The following TEX22 variants were observed in gnomAD, a reference collection of about 807,000 sequenced individuals.
TEX22 encodes testis expressed 22.
A neutral mutation model predicts 11.3 loss-of-function variants in TEX22; 16 were observed. That is an observed-to-expected ratio of 1.42 (90% CI 0.96 to 2.15). The LOEUF (loss-of-function observed/expected upper bound fraction) is 2.15. Among genes scored for constraint, TEX22 ranks in the 30% most tolerant of loss-of-function variants. The pLI, the probability that TEX22 is intolerant of heterozygous loss-of-function variation, is 0.00. For synonymous variants in TEX22, 97 were observed against 92.3 expected (o/e 1.05, Z -0.29); for missense variants, 220 against 208.6 (o/e 1.05, Z -0.34).
chr14:105,403,829 T>C (rs1239011733), intron 2 of TEX22, among the ~76,000 whole-genome samples: 1 of 152,196 alleles, frequency 6.6e-6, no homozygotes. Context: ...ACATAGTGAT[T>C]CTGGAAATGT....
At chr14:105,401,482 A>C (rs2081626011) in intron 2 of TEX22, among the ~76,000 whole-genome samples, 3 of 151,036 alleles carry the variant, frequency 2.0e-5, no homozygotes, top group South Asian at 2.1e-4. Flanking sequence ...TATCGCAAGG[A>C]CAAAAAACCA....
intron 2 of TEX22, among the ~76,000 whole-genome samples, chr14:105,400,350 G>A (rs1481185291): frequency 1.3e-5 from 2 of 152,240 alleles, no homozygotes; most frequent in African/African-American, 2.4e-5. Context: ...CTATGATGGT[G>A]TCAGGTGCTG....
At chr14:105,409,355 C>T (rs968672517) in intron 2 of TEX22, among the ~76,000 whole-genome samples, 1 of 152,122 alleles carries the variant, frequency 6.6e-6, no homozygotes, top group Admixed American at 6.5e-5. Flanking sequence ...CTTTATTCTG[C>T]CTGTATGCTT....
rs200711928 is a variant in TEX22 at position 105,409,786 on chromosome 14, T to TC, written c.151-1582_151-1581insC. Among the ~76,000 whole-genome samples the TC allele has an allele frequency of 9.2e-3, 1,195 of 129,786 alleles. 20 individuals carry two copies. Among genetic ancestry groups the TC allele is most frequent in the African/African-American group, 0.041 (1,083 of 26,694 alleles). 85.1% of individuals were successfully genotyped at this position (129,786 alleles called of 152,430 possible). A position where few individuals can be genotyped will look rare whatever the true frequency, so the allele number is the denominator to read the frequency against. On this transcript the variant is annotated intron_variant, in intron 2 of 3. Transcript: ENST00000451127. ...TTCCTTCTTTTTCTTTCTCTCTCTCTTTTTTTTTTTTCCAGAGTCTTACTC... is the reference window on the plus strand; with the variant it reads ...TTCCTTCTTTTTCTTTCTCTCTCTCTCTTTTTTTTTTTCCAGAGTCTTACTC...
At chr14:105,405,011 AGAG>A (rs1347319248) in intron 2 of TEX22, among the ~76,000 whole-genome samples, 3 of 152,172 alleles carry the variant, frequency 2.0e-5, no homozygotes, top group Non-Finnish European at 4.4e-5. Context: ...TCCTCTGAGA[AGAG>A]GAGGGGGGTG....
intron 2 of TEX22, among the ~76,000 whole-genome samples, chr14:105,402,608 T>G (rs587727048): frequency 1.3e-5 from 2 of 151,606 alleles, no homozygotes; most frequent in Non-Finnish European, 2.9e-5. Context: ...ACAAAAAAAT[T>G]AGCCGGGCGT....
intron 1 of TEX22, among the ~76,000 whole-genome samples, 152 bp downstream of exon 1, chr14:105,398,787 C>T (rs1427224101): frequency 1.3e-5 from 2 of 152,186 alleles, no homozygotes; most frequent in African/African-American, 2.4e-5. Flanking sequence ...CGGACCCCGG[C>T]CGCGCAGACC....
At chr14:105,404,535 T>G (rs185773143) in intron 2 of TEX22, among the ~76,000 whole-genome samples, 3 of 152,204 alleles carry the variant, frequency 2.0e-5, no homozygotes, top group Non-Finnish European at 2.9e-5. Context: ...TAAGAAATTA[T>G]GTACTGAGAA....
Position 105,411,959 on chromosome 14 carries a change from C to A in TEX22, c.*126C>A. On this transcript the variant is annotated 3_prime_UTR_variant, in exon 4 of 4. Transcript: ENST00000451127. Reference sequence around the variant, plus strand: ...CACCCACCCATGTTAGGAAAACAGGCCAGGCAGGACCTGGCTCCGGACAGC... The same window carrying A: ...CACCCACCCATGTTAGGAAAACAGGACAGGCAGGACCTGGCTCCGGACAGC... The A allele has an allele frequency of 1.0e-6, 1 of 977,798 alleles. No homozygotes were observed. The highest frequency in any genetic ancestry group is 1.4e-6 in the Non-Finnish European group (1 of 706,418). 60.6% of individuals were successfully genotyped at this position (977,798 alleles called of 1,614,324 possible).
Position 105,411,424 on chromosome 14 carries a change from C to T in TEX22, c.207C>T (p.Asp69=). The T allele has an allele frequency of 8.0e-7, 1 of 1,248,748 alleles. No individual in the cohort carries two copies. Among genetic ancestry groups the T allele is most frequent in the Non-Finnish European group, 1.0e-6 (1 of 1,001,446 alleles). 77.4% of individuals were successfully genotyped at this position (1,248,748 alleles called of 1,614,324 possible). The change falls in exon 3 of 4, where the codon GAC becomes GAT. Residue 69 remains aspartate (D), a synonymous_variant. Transcript: ENST00000451127. ...RPGRRWSVSI[D]ERRRLATLGG... is the part of the protein sequence containing the mutation. The stretch of plus-strand genomic sequence containing the variant: ...GCCGCCGCTGGAGCGTCAGCATCGA[C>T]GAGCGCCGGCGGCTGGCCACGCTGG...
In TEX22 at chr14:105,412,149, TG is replaced by T; in HGVS notation, c.*317del. 4.0e-6 allele frequency: 1 copy of T among 252,752 alleles called. No individual in the cohort carries two copies. Among genetic ancestry groups the T allele is most frequent in the African/African-American group, 2.2e-5 (1 of 45,120 alleles). 15.7% of individuals were successfully genotyped at this position (252,752 alleles called of 1,614,324 possible). A position where few individuals can be genotyped will look rare whatever the true frequency, so the allele number is the denominator to read the frequency against. On this transcript the variant is annotated 3_prime_UTR_variant, in exon 4 of 4. Transcript: ENST00000451127. This position sits in a 1 kb window ranked among gnomAD's most constrained non-coding sequence, Gnocchi z 5.8. ...GAGGCCTGGGGTACCTGGGCCTGCC[TG>T]AGGTGCACTGGTGTCCTGGGAAGCC... is the stretch of plus-strand genomic sequence containing the variant.
chr14:105,403,419 A>G lies in TEX22; in HGVS notation c.150+3929A>G, dbSNP rs905510566. ...TTGTGACCTGTAAGGAATGTGCTCT[A>G]TTAGTCTCAAGGTGGAGTTGAACAT... is the stretch of plus-strand genomic sequence containing the variant. On this transcript the variant is annotated intron_variant, in intron 2 of 3. Transcript: ENST00000451127. Among the ~76,000 whole-genome samples the G allele has an allele frequency of 4.6e-5, 7 of 152,186 alleles. No homozygotes were observed. In the East Asian group the frequency reaches 1.3e-3, roughly 29 times the overall value.
intron 2 of TEX22, among the ~76,000 whole-genome samples, chr14:105,401,664 A>G (rs1175935373): frequency 1.3e-5 from 2 of 152,026 alleles, no homozygotes; most frequent in South Asian, 2.1e-4. Flanking sequence ...GCACACCAAC[A>G]TGGCACATGG....
rs1368425673 is a variant in TEX22, at chr14:105,412,794, G to A, written c.*961G>A. 1 of 152,374 alleles carries A rather than the reference G, an allele frequency of 6.6e-6. No individual in the cohort carries two copies. The highest frequency in any genetic ancestry group is 1.5e-5 in the Non-Finnish European group (1 of 68,314). The allele number at this position is 152,374 out of a possible 1,614,324, so 9.4% of individuals were successfully genotyped here. On this transcript the variant is annotated 3_prime_UTR_variant, in exon 4 of 4. Transcript: ENST00000451127. This position sits in a 1 kb window ranked among gnomAD's most constrained non-coding sequence, Gnocchi z 5.8. The stretch of plus-strand genomic sequence containing the variant: ...GGTGGCTAGGTGGAGGAGGCTTTGG[G>A]GCAAGCGGAGGTGATCACTCCTGGG...
chr14:105,406,585 A>G (rs1178673106), intron 2 of TEX22, among the ~76,000 whole-genome samples: 1 of 151,888 alleles, frequency 6.6e-6, no homozygotes, highest in African/African-American at 2.4e-5. Flanking sequence ...GTGCCACTGT[A>G]GGCTCCCAGC....
intron 2 of TEX22, 105 bp downstream of exon 2, chr14:105,399,595 G>C: frequency 7.6e-7 from 1 of 1,310,004 alleles, no homozygotes; most frequent in South Asian, 1.5e-5. Flanking sequence ...AGCCTCAGGG[G>C]AGGGCTGAGT....
intron 2 of TEX22, among the ~76,000 whole-genome samples, chr14:105,404,094 T>G (rs1416409813): frequency 6.6e-6 from 1 of 152,232 alleles, no homozygotes; most frequent in Non-Finnish European, 1.5e-5. Context: ...GGCTTTGGTT[T>G]GAGATCTCTC....
intron 3 of TEX22, 25 bp downstream of exon 3, chr14:105,411,521 G>GGGGGCCCCCCCCCCCCCCCC: frequency 2.2e-6 from 1 of 458,520 alleles, no homozygotes; most frequent in Non-Finnish European, 2.8e-6. Context: ...GGTCCTCCCC[G>GGGGGCCCCCCCCCCCCCCCC]CCCCGTCCCC....
At position 105,404,109 on chromosome 14, in the gene TEX22, G is replaced by A. The variant is rs371393881; in HGVS notation, c.150+4619G>A. Among the ~76,000 whole-genome samples the A allele has an allele frequency of 1.6e-4, 25 of 152,354 alleles. 1 individual carries two copies. The highest frequency in any genetic ancestry group is 6.0e-4 in the African/African-American group (25 of 41,576). On this transcript the variant is annotated intron_variant, in intron 2 of 3. Coordinates refer to ENST00000451127, the MANE Select transcript of TEX22 (RefSeq NM_001195082.2). The stretch of plus-strand genomic sequence containing the variant: ...GGCTTTGGTTTGAGATCTCTCAGGA[G>A]CTTATAGTTGAGATAGCAGTCAACA...
Sources: allele counts gnomAD v4.1 joint callset (sites outside exome capture counted in the v4.1 genomes callset), GRCh38; gene constraint gnomAD v4.1.1; non-coding constraint Gnocchi (gnomAD v3.1); transcripts MANE v1.5; gene names NCBI Gene and HGNC (gene_info 2026-07-23, HGNC 2026-07-21).